CFAP47: variants seen among roughly 807,000 people sequenced by gnomAD.
CFAP47 encodes the protein cilia and flagella associated protein 47.
A neutral mutation model predicts 148.1 loss-of-function variants in CFAP47; 29 were observed. That is an observed-to-expected ratio of 0.20 (90% CI 0.15 to 0.27). CFAP47 has a LOEUF of 0.27. CFAP47 is among the 10% of genes least tolerant of loss of function. The probability of loss-of-function intolerance (pLI) is 1.00; values close to 1 mark genes in which losing one functional copy is unlikely to be tolerated. For missense variants in CFAP47, 1,872 were observed against 1,697.5 expected (o/e 1.10, Z -1.81); for synonymous variants, 664 against 577.3 (o/e 1.15, Z -2.15).
intron 29 of CFAP47, among the ~76,000 whole-genome samples, chrX:36,080,218 A>T: frequency 8.9e-6 from 1 of 112,174 alleles, no homozygotes; most frequent in Non-Finnish European, 1.9e-5. Context: ...ATGCAAATCA[A>T]AACCACAGTG....
intron 45 of CFAP47, among the ~76,000 whole-genome samples, chrX:36,214,349 G>C (rs1022732152): frequency 8.9e-6 from 1 of 111,866 alleles, no homozygotes; most frequent in African/African-American, 3.2e-5. Flanking sequence ...AGGAGAGTCA[G>C]TGAATGAGTG....
rs905694435 is a variant in CFAP47 at position 35,959,801 on chromosome X, C to T, written c.1410+3605C>T. ...GGCTAAGGCAGGAGAATCACTTGAA[C>T]CCAGGAGGCGGAGGTTGCAGTGAGC... On this transcript the variant is annotated intron_variant, in intron 8 of 63. Transcript: ENST00000378653. Among the ~76,000 whole-genome samples the T allele has an allele frequency of 1.0e-4, 11 of 105,420 alleles. No homozygotes were observed. The East Asian group carries it at 3.0e-3, about 29-fold the overall frequency. The allele number at this position is 105,420 out of a possible 115,157, so 91.5% of individuals were successfully genotyped here.
chrX:36,209,868 A>G (rs1214271708), intron 45 of CFAP47, among the ~76,000 whole-genome samples: 1 of 111,324 alleles, frequency 9.0e-6, no homozygotes. Context: ...CTCAAAAAAA[A>G]CCCAGTACTC....
At chrX:36,364,173 C>T (rs1372592522) in intron 61 of CFAP47, among the ~76,000 whole-genome samples, 2 of 110,688 alleles carry the variant, frequency 1.8e-5, no homozygotes, top group Non-Finnish European at 3.8e-5. Context: ...CATAAAATGG[C>T]TCACCATGTC....
chrX:36,343,168 T>C (rs1941667992), intron 57 of CFAP47, among the ~76,000 whole-genome samples: 2 of 111,812 alleles, frequency 1.8e-5, no homozygotes, highest in South Asian at 7.6e-4. Context: ...CTGCATAGTA[T>C]TCCATGGTCA....
chrX:36,289,044 A>C (rs1419982752), intron 51 of CFAP47, among the ~76,000 whole-genome samples: 1 of 82,882 alleles, frequency 1.2e-5, no homozygotes, highest in Non-Finnish European at 2.2e-5. Context: ...CTTGTTGCTC[A>C]GGCTGGAGTG....
chrX:36,148,897 A>ATGTGTGTGTGTG (rs1222257025), intron 36 of CFAP47, among the ~76,000 whole-genome samples: 1 of 76,441 alleles, frequency 1.3e-5, no homozygotes, highest in African/African-American at 9.5e-5. Context: ...GCTAAACTGT[A>ATGTGTGTGTGTG]TGTATGTGTG....
At chrX:36,207,059 A>G (rs1271073597) in intron 45 of CFAP47, among the ~76,000 whole-genome samples, 4 of 111,952 alleles carry the variant, frequency 3.6e-5, no homozygotes, top group Non-Finnish European at 7.5e-5. Context: ...AACTCAGGAT[A>G]GTAACAAATG....
intron 49 of CFAP47, among the ~76,000 whole-genome samples, chrX:36,276,444 ATAAG>A (rs1941018630): frequency 8.9e-6 from 1 of 112,032 alleles, no homozygotes; most frequent in Non-Finnish European, 1.9e-5. Context: ...GGAGGGGAGT[ATAAG>A]TAATTTGAAT....
Position 36,085,640 on chromosome X carries a change from A to AACACACAC in CFAP47, c.4916+122_4916+129dup, listed in dbSNP as rs200423976. The AACACACAC allele has an allele frequency of 1.5e-3, 494 of 329,615 alleles. 3 individuals carry two copies. The highest frequency in any genetic ancestry group is 0.014 in the African/African-American group (452 of 33,203). The allele number at this position is 329,615 out of a possible 1,213,427, so 27.2% of individuals were successfully genotyped here. ...TTGATATTATTTTCCTTTCTAACCA[A>AACACACAC]ACACACACACACACACACACACACA... On this transcript the variant is annotated intron_variant, in intron 30 of 63. Coordinates refer to ENST00000378653, the MANE Select transcript of CFAP47 (RefSeq NM_001304548.2).
In CFAP47 at chrX:35,966,621, G is replaced by T; in HGVS notation, c.1467G>T (p.Met489Ile). The T allele has an allele frequency of 8.6e-7, 1 of 1,163,239 alleles. No individual in the cohort carries two copies. Among genetic ancestry groups the T allele is most frequent in the Non-Finnish European group, 1.2e-6 (1 of 867,938 alleles). ...TTGGAGTCTTCAAAGTGAAGCAGAT[G>T]ATAGAGATTATTGGTTTAGTGGCAG... ...HQLGVFKVKQMIEIIGLVAEE... is the reference protein window; with the variant it reads ...HQLGVFKVKQIIEIIGLVAEE... The change falls in exon 9 of 64, where the codon ATG becomes ATT. Residue 489 changes from methionine to isoleucine, a missense_variant. Coordinates refer to ENST00000378653, the MANE Select transcript of CFAP47 (RefSeq NM_001304548.2).
At chrX:35,985,453 G>A (rs1345303659) in intron 15 of CFAP47, among the ~76,000 whole-genome samples, 4 of 111,390 alleles carry the variant, frequency 3.6e-5, no homozygotes, top group Non-Finnish European at 7.5e-5. Context: ...ACAAGTTGTG[G>A]GTGAGTACAT....
chrX:36,248,517 C>CACAT (rs1480472004), intron 48 of CFAP47, among the ~76,000 whole-genome samples: 1 of 106,934 alleles, frequency 9.4e-6, no homozygotes, highest in African/African-American at 3.4e-5. Context: ...CACACACACA[C>CACAT]ACACACAACA....
intron 26 of CFAP47, among the ~76,000 whole-genome samples, chrX:36,059,220 TA>T (rs747007481): frequency 4.7e-4 from 53 of 111,898 alleles, no homozygotes; most frequent in African/African-American, 1.6e-3. Flanking sequence ...CTAAGAGATA[TA>T]AGGAGAAGAG....
intron 26 of CFAP47, among the ~76,000 whole-genome samples, chrX:36,065,391 C>T (rs189553671): frequency 6.3e-5 from 7 of 111,568 alleles, no homozygotes; most frequent in Admixed American, 2.9e-4. Context: ...TGTGTTTTTG[C>T]ACCTGCACAG....
intron 27 of CFAP47, among the ~76,000 whole-genome samples, chrX:36,067,710 T>C (rs921722460): frequency 9.5e-6 from 1 of 105,044 alleles, no homozygotes; most frequent in African/African-American, 3.5e-5. Context: ...TCTCCTAGGC[T>C]GGAGTGCAGT....
intron 39 of CFAP47, among the ~76,000 whole-genome samples, chrX:36,172,214 T>A (rs942340062): frequency 1.0e-5 from 1 of 98,626 alleles, no homozygotes; most frequent in Non-Finnish European, 2.1e-5. Context: ...ACAATGGGGT[T>A]TTCTAGATAT....
At chrX:36,336,865 A>G (rs1261709451) in intron 57 of CFAP47, among the ~76,000 whole-genome samples, 1 of 112,209 alleles carries the variant, frequency 8.9e-6, no homozygotes, top group African/African-American at 3.2e-5. Context: ...GTTTAGTGAC[A>G]TATGATGATG....
At chrX:36,114,218 C>A (rs1938602168) in intron 33 of CFAP47, among the ~76,000 whole-genome samples, 1 of 111,771 alleles carries the variant, frequency 8.9e-6, no homozygotes, top group Non-Finnish European at 1.9e-5. Flanking sequence ...ACATTCTTTT[C>A]TATACTGCCT....
Sources: allele counts gnomAD v4.1 joint callset (sites outside exome capture counted in the v4.1 genomes callset), GRCh38; gene constraint gnomAD v4.1.1; transcripts MANE v1.5; gene names NCBI Gene and HGNC (gene_info 2026-07-23, HGNC 2026-07-21).